The following MYZAP variants were observed in gnomAD, a reference collection of about 807,000 sequenced individuals.
MYZAP encodes myocardial zonula adherens protein, also known as GRINL1A complex locus upstream.
Under a neutral mutation model 69.4 loss-of-function variants are expected in MYZAP, and 66 were observed. The ratio of observed to expected loss-of-function variants is 0.95; its 90% CI spans 0.78 to 1.17. MYZAP has a LOEUF of 1.17. MYZAP is among the 50% of genes most tolerant of loss of function. MYZAP has a pLI of 0.00. For synonymous variants in MYZAP, 256 were observed against 205.9 expected (o/e 1.24, Z -2.09); for missense variants, 611 against 556.2 (o/e 1.10, Z -0.99).
intron 2 of MYZAP, among the ~76,000 whole-genome samples, chr15:57,615,216 T>C (rs1469494444): frequency 6.6e-6 from 1 of 152,242 alleles, no homozygotes; most frequent in Admixed American, 6.5e-5. Flanking sequence ...AAGTGAAATC[T>C]CATTTTCCTG....
intron 8 of MYZAP, among the ~76,000 whole-genome samples, chr15:57,636,837 G>T (rs1242017382): frequency 1.3e-5 from 2 of 152,154 alleles, no homozygotes; most frequent in East Asian, 3.9e-4. Context: ...TGCTACCATA[G>T]CAAATTTCCA....
At chr15:57,683,457 A>G (rs1382923122) in intron 12 of MYZAP, among the ~76,000 whole-genome samples, 2 of 152,158 alleles carry the variant, frequency 1.3e-5, no homozygotes, top group Non-Finnish European at 2.9e-5. Context: ...AAAATTTTTT[A>G]TGTACATATC....
At chr15:57,640,043 T>C (rs965756444) in intron 10 of MYZAP, among the ~76,000 whole-genome samples, 1 of 152,150 alleles carries the variant, frequency 6.6e-6, no homozygotes, top group Non-Finnish European at 1.5e-5. Context: ...CTTCTCCCAC[T>C]CCTGCTTCTT....
chr15:57,680,026 C>T (rs1219928143), intron 12 of MYZAP, among the ~76,000 whole-genome samples: 1 of 152,184 alleles, frequency 6.6e-6, no homozygotes, highest in African/African-American at 2.4e-5. Context: ...TCCTACCCTC[C>T]TTGATTCTCA....
chr15:57,613,585 G>A (rs535587607), intron 2 of MYZAP, among the ~76,000 whole-genome samples: 3 of 151,382 alleles, frequency 2.0e-5, no homozygotes, highest in African/African-American at 7.3e-5. Flanking sequence ...TGCCCAGGCT[G>A]GTCTCAAATG....
intron 2 of MYZAP, among the ~76,000 whole-genome samples, chr15:57,609,420 T>G (rs2034967580): frequency 6.6e-6 from 1 of 152,222 alleles, no homozygotes; most frequent in Non-Finnish European, 1.5e-5. Context: ...CTGGTAGCTC[T>G]TGGTAATCCT....
At chr15:57,622,125 A>T (rs1231538020) in intron 4 of MYZAP, among the ~76,000 whole-genome samples, 1 of 152,202 alleles carries the variant, frequency 6.6e-6, no homozygotes, top group African/African-American at 2.4e-5. Context: ...ACTACTACAA[A>T]CAAGTAAAGA....
chr15:57,643,448 A>T (rs1326560670), intron 10 of MYZAP, among the ~76,000 whole-genome samples: 5 of 152,160 alleles, frequency 3.3e-5, no homozygotes, highest in African/African-American at 1.2e-4. Flanking sequence ...GCACTGGGAG[A>T]GCTGGGAGGA....
chr15:57,642,600 A>G (rs1332524369), intron 10 of MYZAP, among the ~76,000 whole-genome samples: 2 of 152,102 alleles, frequency 1.3e-5, no homozygotes, highest in Non-Finnish European at 2.9e-5. Flanking sequence ...GTCTCCATCC[A>G]TTGTTGGTAT....
At position 57,637,706 on chromosome 15, in the gene MYZAP, A is replaced by G. The variant is rs780586287; in HGVS notation, c.945A>G (p.Gln315=). ...LIERMEKERH[Q]LQLQLLEHET... Reference sequence around the variant, plus strand: ...TCTGTTTGTTTTAGGAACGTCATCAACTGCAACTTCAACTCCTAGAACATG... The same window carrying G: ...TCTGTTTGTTTTAGGAACGTCATCAGCTGCAACTTCAACTCCTAGAACATG... Residue 315 remains glutamine, a synonymous_variant, in exon 9 of 13, where the codon CAA becomes CAG. Coordinates refer to ENST00000267853, the MANE Select transcript of MYZAP (RefSeq NM_001018100.5). 3.1e-6 allele frequency: 5 copies of G among 1,612,902 alleles called. No individual in the cohort carries two copies. The highest frequency in any genetic ancestry group is 2.7e-5 in the African/African-American group (2 of 74,932).
chr15:57,677,960 T>G (rs1186022494), intron 12 of MYZAP, among the ~76,000 whole-genome samples: 1 of 150,436 alleles, frequency 6.6e-6, no homozygotes, highest in Non-Finnish European at 1.5e-5. Context: ...TGCCAGCACT[T>G]TGGGAGGCCA....
At chr15:57,672,594 C>A (rs1441592296) in intron 11 of MYZAP, among the ~76,000 whole-genome samples, 1 of 152,178 alleles carries the variant, frequency 6.6e-6, no homozygotes, top group Non-Finnish European at 1.5e-5. Context: ...GTCTTATTTT[C>A]CTCCAATCCA....
At chr15:57,610,474 A>G (rs1478257750) in intron 2 of MYZAP, among the ~76,000 whole-genome samples, 1 of 152,134 alleles carries the variant, frequency 6.6e-6, no homozygotes, top group African/African-American at 2.4e-5. Flanking sequence ...ACAGCACACC[A>G]GGGACTCTGC....
At position 57,639,650 on chromosome 15, in the gene MYZAP, C is replaced by T. The variant is rs1344983797; in HGVS notation, c.1119+105C>T. The T allele has an allele frequency of 2.5e-5, 33 of 1,333,748 alleles. No homozygotes were observed. The East Asian group carries it at 3.0e-4, about 12-fold the overall frequency. The allele number at this position is 1,333,748 out of a possible 1,614,324, so 82.6% of individuals were successfully genotyped here. A position where few individuals can be genotyped will look rare whatever the true frequency, so the allele number is the denominator to read the frequency against. On this transcript the variant is annotated intron_variant, in intron 10 of 12. Coordinates refer to ENST00000267853, the MANE Select transcript of MYZAP (RefSeq NM_001018100.5). ...CCTCCATTTCCTGTGGCTCACAAGC[C>T]GAGGTGCTCAGGCCACTGCCATCTA...
At position 57,592,014 on chromosome 15, in the gene MYZAP, G is replaced by A. The variant is rs1283650950; in HGVS notation, c.-21G>A. 2 of 1,429,148 alleles carry A rather than the reference G, an allele frequency of 1.4e-6. No individual in the cohort carries two copies. The highest frequency in any genetic ancestry group is 1.4e-5 in the South Asian group (1 of 70,462). The allele number at this position is 1,429,148 out of a possible 1,614,324, so 88.5% of individuals were successfully genotyped here. The stretch of plus-strand genomic sequence containing the variant: ...CGGGAGGAACGCCGGCGTCCAGCCC[G>A]CTACCGACCGCCGCTGCGGGATGCT... On this transcript the variant is annotated 5_prime_UTR_variant, in exon 1 of 13. Coordinates refer to ENST00000267853, the MANE Select transcript of MYZAP (RefSeq NM_001018100.5).
chr15:57,612,991 G>A lies in MYZAP; in HGVS notation c.163-5042G>A, dbSNP rs908907410. ...CTGTCGCCCAGGCTGGAGTGCAATG[G>A]TGCGATCTCGGCTCACTGCAAGCTC... On this transcript the variant is annotated intron_variant, in intron 2 of 12. Coordinates refer to ENST00000267853, the MANE Select transcript of MYZAP (RefSeq NM_001018100.5). Among the ~76,000 whole-genome samples the A allele has an allele frequency of 3.9e-5, 6 of 152,032 alleles. No homozygotes were observed. In the East Asian group the frequency reaches 7.7e-4, roughly 20 times the overall value.
chr15:57,645,003 A>G (rs561689411), intron 10 of MYZAP, among the ~76,000 whole-genome samples: 3 of 152,346 alleles, frequency 2.0e-5, no homozygotes, highest in African/African-American at 7.2e-5. Context: ...CTGTGCATGT[A>G]TGCACGTGTC....
At chr15:57,670,266 A>G (rs552098855) in intron 11 of MYZAP, among the ~76,000 whole-genome samples, 2 of 152,144 alleles carry the variant, frequency 1.3e-5, no homozygotes, top group African/African-American at 4.8e-5. Flanking sequence ...GTGTATTTTG[A>G]AACTCTGTTA....
At chr15:57,671,381 C>T (rs2038859426) in intron 11 of MYZAP, among the ~76,000 whole-genome samples, 1 of 151,884 alleles carries the variant, frequency 6.6e-6, no homozygotes, top group Admixed American at 6.6e-5. Flanking sequence ...TGAATTTATC[C>T]TGTTTGGGGT....
Sources: gnomAD v4.1 joint callset for allele counts (sites outside exome capture counted in the v4.1 genomes callset) on GRCh38, gnomAD v4.1.1 for gene constraint, MANE v1.5 for transcripts, NCBI Gene and HGNC (gene_info 2026-07-23, HGNC 2026-07-21) for gene names.